Variants in ECHS1 observed in about 807,000 individuals in gnomAD.
The protein encoded by ECHS1 is enoyl-CoA hydratase, mitochondrial.
A neutral mutation model predicts 33.5 loss-of-function variants in ECHS1; 19 were observed. The observed-to-expected ratio is 0.57, with a 90% CI of 0.40 to 0.83. The LOEUF (loss-of-function observed/expected upper bound fraction) is 0.83. ECHS1 is among the 40% of genes least tolerant of loss of function. The probability of loss-of-function intolerance (pLI) is 0.00; values close to 1 mark genes in which losing one functional copy is unlikely to be tolerated. For synonymous variants in ECHS1, 158 were observed against 146.6 expected, an observed-to-expected ratio of 1.08 and a Z score of -0.56; for missense variants, 365 against 381.3, an observed-to-expected ratio of 0.96 and a Z score of 0.36.
In ECHS1 at chr10:133,373,351, G is replaced by C. The variant is rs1053158402; in HGVS notation, c.-18C>G. On this transcript the variant is annotated 5_prime_UTR_variant, in exon 1 of 8. Transcript: ENST00000368547. ...GCGGCCATGGCTCTCTGGACTCCTC[G>C]CCCGGCCCCGCGGAGCCGCCCCCTC... The C allele has an allele frequency of 6.7e-7, 1 of 1,490,314 alleles. No homozygotes were observed. The highest frequency in any genetic ancestry group is 1.2e-5 in the South Asian group (1 of 80,208). 92.3% of individuals were successfully genotyped at this position (1,490,314 alleles called of 1,614,324 possible).
chr10:133,364,766 A>T, intron 6 of ECHS1, 41 bp from the exon 7 acceptor site: 1 of 1,537,858 alleles, frequency 6.5e-7, no homozygotes, highest in Non-Finnish European at 9.0e-7. Context: ...GAGATATTAC[A>T]TGCAGAACTT....
chr10:133,369,833 T>C, intron 3 of ECHS1, 71 bp downstream of exon 3: 1 of 1,548,350 alleles, frequency 6.5e-7, no homozygotes, highest in Non-Finnish European at 8.7e-7. Flanking sequence ...AATAAAAATC[T>C]GTTATGCTGT....
chr10:133,372,092 G>A (rs755715728), intron 1 of ECHS1, among the ~76,000 whole-genome samples: 12 of 152,166 alleles, frequency 7.9e-5, no homozygotes, highest in Non-Finnish European at 1.5e-4. Context: ...GTGCCCCGCC[G>A]TATCCTGTGG....
At chr10:133,369,199 T>C (rs1849072171) in intron 3 of ECHS1, among the ~76,000 whole-genome samples, 177 bp from the exon 4 acceptor site, 1 of 152,224 alleles carries the variant, frequency 6.6e-6, no homozygotes, top group Non-Finnish European at 1.5e-5. Flanking sequence ...TGGTTGATGC[T>C]GTTTACCAGG....
chr10:133,368,270 T>A lies in ECHS1; in HGVS notation c.514+653A>T, dbSNP rs77884213. Among the ~76,000 whole-genome samples the A allele has an allele frequency of 6.1e-3, 922 of 152,134 alleles. 10 individuals carry two copies. Among genetic ancestry groups the A allele is most frequent in the African/African-American group, 0.021 (883 of 41,494 alleles). On this transcript the variant is annotated intron_variant, in intron 4 of 7. Coordinates refer to ENST00000368547, the MANE Select transcript of ECHS1 (RefSeq NM_004092.4). ...TCCCTGACCCCAGGCACTGGTCCCT[T>A]ATAGTAGCAGCTGTTCTAGGGATCA...
chr10:133,373,135 G>C, intron 1 of ECHS1, 111 bp downstream of exon 1: 2 of 868,828 alleles, frequency 2.3e-6, no homozygotes, highest in Non-Finnish European at 3.2e-6. Context: ...GTTGGGGTCA[G>C]GTGGGGGATG....
Position 133,367,004 on chromosome 10 carries a change from G to T in ECHS1, c.515-11C>A. The T allele has an allele frequency of 6.2e-7, 1 of 1,605,390 alleles. No homozygotes were observed. The highest frequency in any genetic ancestry group is 8.5e-7 in the Non-Finnish European group (1 of 1,176,654). On this transcript the variant is annotated splice_polypyrimidine_tract_variant and intron_variant, in intron 4 of 7. Transcript: ENST00000368547. ...GGGTGCCGCCCGCACCTGCAGGGAG[G>T]GGCTGGTCATGGCTGGCACTGTGAT...
At chr10:133,364,246 AT>A (rs1849002116) in intron 7 of ECHS1, among the ~76,000 whole-genome samples, 1 of 152,048 alleles carries the variant, frequency 6.6e-6, no homozygotes, top group South Asian at 2.1e-4. Flanking sequence ...GCCCGGCCTC[AT>A]TTTTTAAAAA....
intron 4 of ECHS1, 33 bp downstream of exon 4, chr10:133,368,890 G>A (rs746889781): frequency 1.4e-5 from 23 of 1,591,572 alleles, no homozygotes; most frequent in Non-Finnish European, 1.9e-5. Flanking sequence ...AATTACCTAA[G>A]GCATCTATGC....
At chr10:133,365,211 C>T (rs58331557) in intron 6 of ECHS1, among the ~76,000 whole-genome samples, 4,920 of 152,330 alleles carry the variant, frequency 0.032, 249 homozygotes, top group African/African-American at 0.11. Flanking sequence ...GGCGCTGTGG[C>T]TCCAGGGCTG....
chr10:133,365,677 G>C (rs1849018142), intron 6 of ECHS1, among the ~76,000 whole-genome samples: 1 of 152,198 alleles, frequency 6.6e-6, no homozygotes, highest in African/African-American at 2.4e-5. Context: ...TTTACATTTG[G>C]GACCTCTGCT....
At chr10:133,370,945 C>T (rs950493829) in intron 1 of ECHS1, among the ~76,000 whole-genome samples, 188 bp from the exon 2 acceptor site, 12 of 152,196 alleles carry the variant, frequency 7.9e-5, no homozygotes, top group African/African-American at 2.2e-4. Context: ...GCCTTGGTAC[C>T]ATTCTCTCTG....
chr10:133,363,327 G>A (rs1848988069), intron 7 of ECHS1, among the ~76,000 whole-genome samples: 1 of 150,828 alleles, frequency 6.6e-6, no homozygotes, highest in Non-Finnish European at 1.5e-5. Context: ...TACACTGTGT[G>A]CACGTGTGTC....
chr10:133,368,127 G>A (rs139839780), intron 4 of ECHS1, among the ~76,000 whole-genome samples: 4,885 of 152,170 alleles, frequency 0.032, 239 homozygotes, highest in African/African-American at 0.11. Context: ...GAGAACACCT[G>A]CTAAGCCCCG....
At chr10:133,368,806 G>C in intron 4 of ECHS1, 117 bp downstream of exon 4, 1 of 949,942 alleles carries the variant, frequency 1.1e-6, no homozygotes, top group Non-Finnish European at 1.6e-6. Context: ...CCACTGACCA[G>C]CCATGGGGCT....
intron 5 of ECHS1, 85 bp from the exon 6 acceptor site, chr10:133,366,180 G>GT (rs1849026694): frequency 1.3e-6 from 2 of 1,515,172 alleles, no homozygotes; most frequent in East Asian, 4.6e-5. Context: ...GGGGAGCAGC[G>GT]TGGCTGGAGC....
chr10:133,366,969 G>T lies in ECHS1; in HGVS notation c.539C>A (p.Thr180Asn). ...IPGAGGTQRLTRAVGKSLAME... is the reference protein window; with the variant it reads ...IPGAGGTQRLNRAVGKSLAME... ...CGCCAGCGACTTCCCAACAGCACGGGTGAGTCTCTGGGTGCCGCCCGCACC... is the reference window on the plus strand; with the variant it reads ...CGCCAGCGACTTCCCAACAGCACGGTTGAGTCTCTGGGTGCCGCCCGCACC... The change falls in exon 5 of 8, where the codon ACC becomes AAC. Residue 180 changes from threonine (T) to asparagine (N), a missense_variant. Physicochemically the swap from Thr to Asn is moderately conservative, Grantham distance 65. Transcript: ENST00000368547. 6.2e-7 allele frequency: 1 copy of T among 1,612,404 alleles called. No homozygotes were observed. Among genetic ancestry groups the T allele is most frequent in the Non-Finnish European group, 8.5e-7 (1 of 1,179,942 alleles).
intron 1 of ECHS1, among the ~76,000 whole-genome samples, chr10:133,371,937 C>T (rs78049104): frequency 0.034 from 5,125 of 152,156 alleles, 279 homozygotes; most frequent in African/African-American, 0.12. Flanking sequence ...GCTGGGACTA[C>T]GGTCACACAC....
rs1176131430 is a variant in ECHS1 at position 133,370,762 on chromosome 10, AGC to A, written c.89-7_89-6del. 1.2e-6 allele frequency: 2 copies of A among 1,607,664 alleles called. No individual in the cohort carries two copies. The highest frequency in any genetic ancestry group is 1.7e-5 in the Admixed American group (1 of 59,138). ...TGATGTACTCAAAGTTAGCACCTGGAGCAAGAAGGCAAAAAGGGGTATCTATT... is the reference window on the plus strand; with the variant it reads ...TGATGTACTCAAAGTTAGCACCTGGAAAGAAGGCAAAAAGGGGTATCTATT... On this transcript the variant is annotated splice_region_variant and splice_polypyrimidine_tract_variant and intron_variant, in intron 1 of 7. Coordinates refer to ENST00000368547, the MANE Select transcript of ECHS1 (RefSeq NM_004092.4).
Sources: allele counts gnomAD v4.1 joint callset (sites outside exome capture counted in the v4.1 genomes callset), GRCh38; gene constraint gnomAD v4.1.1; transcripts MANE v1.5; gene names NCBI Gene and HGNC (gene_info 2026-07-23, HGNC 2026-07-21).